Variants in ROBO1 observed in about 807,000 individuals in gnomAD.
ROBO1 encodes roundabout homolog 1.
Under a neutral mutation model 195.9 loss-of-function variants are expected in ROBO1, and 149 were observed. That is an observed-to-expected ratio of 0.76 (90% CI 0.67 to 0.87). The LOEUF is 0.87. Among genes scored for constraint, ROBO1 ranks in the 40% least tolerant of loss-of-function variants. The pLI, the probability that ROBO1 is intolerant of heterozygous loss-of-function variation, is 0.00. For synonymous variants in ROBO1, 816 were observed against 733.2 expected (o/e 1.11, Z -1.82); for missense variants, 1,933 against 2,068.3 (o/e 0.93, Z 1.27).
chr3:79,233,848 C>CT lies in ROBO1; in HGVS notation c.89-108310dup, dbSNP rs2082361141. ...CTTTTCTCTGCAGCCTCAACAGCAA[C>CT]TTGTTTTTTGACTTTTTAATAATAG... is the stretch of plus-strand genomic sequence containing the variant. On this transcript the variant is annotated intron_variant, in intron 2 of 30. Transcript: ENST00000464233. 3.9e-5 allele frequency among the ~76,000 whole-genome samples: 6 copies of CT among 152,194 alleles called. No individual in the cohort carries two copies. In the East Asian group the frequency reaches 7.7e-4, roughly 20 times the overall value.
chr3:78,848,538 T>G (rs1363335450), intron 4 of ROBO1, among the ~76,000 whole-genome samples: 7 of 152,080 alleles, frequency 4.6e-5, no homozygotes, highest in African/African-American at 1.7e-4. Flanking sequence ...TCTTAGCAAC[T>G]CTTGTACAGC....
In ROBO1 at chr3:78,713,780, T is replaced by C. The variant is rs2108046716; in HGVS notation, c.1045+617A>G. ...CATAGAACACGGTATCCACTTGGGCTCATACGATGCTAAATAATAAATCTG... is the reference window on the plus strand; with the variant it reads ...CATAGAACACGGTATCCACTTGGGCCCATACGATGCTAAATAATAAATCTG... On this transcript the variant is annotated intron_variant, in intron 8 of 30. Transcript: ENST00000464233. Among the ~76,000 whole-genome samples, 3 of 152,334 alleles carry C rather than the reference T, an allele frequency of 2.0e-5. No homozygotes were observed. The Middle Eastern group carries it at 0.01, about 518-fold the overall frequency.
chr3:79,759,437 G>A (rs1704576202), intron 1 of ROBO1, among the ~76,000 whole-genome samples: 2 of 152,162 alleles, frequency 1.3e-5, no homozygotes, highest in Admixed American at 6.5e-5. Flanking sequence ...AGTGAGTCAT[G>A]CTTCTTCCTT....
intron 2 of ROBO1, among the ~76,000 whole-genome samples, chr3:79,491,430 A>T (rs1367021334): frequency 6.6e-6 from 1 of 152,098 alleles, no homozygotes; most frequent in East Asian, 1.9e-4. Flanking sequence ...CAACTTGCAG[A>T]TGCTAACAAA....
chr3:79,493,549 G>GT (rs1342032161), intron 2 of ROBO1, among the ~76,000 whole-genome samples: 5 of 151,768 alleles, frequency 3.3e-5, no homozygotes, highest in Middle Eastern at 3.4e-3. Context: ...GTTTTGTTTT[G>GT]TTTTTTGTTT....
At chr3:78,852,875 T>C (rs186243270) in intron 4 of ROBO1, among the ~76,000 whole-genome samples, 5 of 152,262 alleles carry the variant, frequency 3.3e-5, no homozygotes, top group Admixed American at 3.3e-4. Context: ...GGTAGTGATG[T>C]ATTGTGAGCT....
At chr3:79,137,259 T>C (rs1387411553) in intron 2 of ROBO1, among the ~76,000 whole-genome samples, 2 of 152,090 alleles carry the variant, frequency 1.3e-5, no homozygotes, top group African/African-American at 4.8e-5. Context: ...GAAAACGTTG[T>C]CTTCCAATAG....
Position 79,296,772 on chromosome 3 carries a change from G to A in ROBO1, c.89-171233C>T, listed in dbSNP as rs372684691. 3.9e-5 allele frequency among the ~76,000 whole-genome samples: 6 copies of A among 152,278 alleles called. No homozygotes were observed. In the East Asian group the frequency reaches 9.6e-4, roughly 24 times the overall value. On this transcript the variant is annotated intron_variant, in intron 2 of 30. Coordinates refer to ENST00000464233, the MANE Select transcript of ROBO1 (RefSeq NM_002941.4). ...AAATTTTAAAAGAACTCAGAAACCC[G>A]TGATAAGTGCAGAAATTATTGACTT...
At chr3:79,509,222 A>T (rs1034420875) in intron 2 of ROBO1, among the ~76,000 whole-genome samples, 1 of 152,014 alleles carries the variant, frequency 6.6e-6, no homozygotes, top group Non-Finnish European at 1.5e-5. Context: ...ATATTCTGGG[A>T]TTATAGCTGG....
intron 3 of ROBO1, among the ~76,000 whole-genome samples, chr3:78,959,818 G>T (rs1172902626): frequency 1.4e-4 from 22 of 152,316 alleles, no homozygotes; most frequent in African/African-American, 5.3e-4. Context: ...TTAATACACA[G>T]ATAGCACAAC....
At chr3:79,294,314 TC>T (rs1393853437) in intron 2 of ROBO1, among the ~76,000 whole-genome samples, 2 of 152,062 alleles carry the variant, frequency 1.3e-5, no homozygotes, top group African/African-American at 4.8e-5. Context: ...AACCATCTGA[TC>T]TTTGACAAAC....
intron 1 of ROBO1, among the ~76,000 whole-genome samples, chr3:79,598,459 A>G (rs920878858): frequency 1.3e-5 from 2 of 152,102 alleles, no homozygotes; most frequent in Non-Finnish European, 1.5e-5. Context: ...GTTTAAAGAT[A>G]TTGTTTTAAA....
intron 2 of ROBO1, among the ~76,000 whole-genome samples, chr3:79,457,396 CGT>C (rs139242982): frequency 1.0e-4 from 15 of 148,814 alleles, no homozygotes; most frequent in East Asian, 2.0e-4. Context: ...TGTGTGTGTG[CGT>C]GTGTGTGTGT....
intron 3 of ROBO1, among the ~76,000 whole-genome samples, chr3:78,977,607 T>C (rs2076909386): frequency 6.6e-6 from 1 of 150,526 alleles, no homozygotes; most frequent in Admixed American, 6.6e-5. Flanking sequence ...ATATAATATA[T>C]ATTTTAAAAA....
chr3:79,577,942 A>C (rs1015398283), intron 2 of ROBO1, among the ~76,000 whole-genome samples: 1 of 151,830 alleles, frequency 6.6e-6, no homozygotes, highest in Non-Finnish European at 1.5e-5. Flanking sequence ...AAAAAAACCC[A>C]AAAAACAAAA....
At chr3:78,960,614 A>T (rs978874283) in intron 3 of ROBO1, among the ~76,000 whole-genome samples, 3 of 151,892 alleles carry the variant, frequency 2.0e-5, no homozygotes, top group Non-Finnish European at 4.4e-5. Context: ...TCCCATCGCT[A>T]CTAAAAATAC....
chr3:79,713,827 C>T (rs1243959069), intron 1 of ROBO1, among the ~76,000 whole-genome samples: 1 of 152,056 alleles, frequency 6.6e-6, no homozygotes, highest in Non-Finnish European at 1.5e-5. Flanking sequence ...GCCAGTTTTC[C>T]CAGCACCATT....
intron 2 of ROBO1, among the ~76,000 whole-genome samples, chr3:79,269,546 T>G (rs1446094325): frequency 3.4e-4 from 51 of 151,744 alleles, no homozygotes. Flanking sequence ...TAGTCAATAA[T>G]GTAATGATAC....
chr3:78,677,300 C>A (rs1174849617), intron 10 of ROBO1, among the ~76,000 whole-genome samples: 10 of 152,142 alleles, frequency 6.6e-5, no homozygotes, highest in African/African-American at 2.4e-4. Context: ...ATCATAATGA[C>A]AAGATCAAAT....
Sources: allele counts gnomAD v4.1 joint callset (sites outside exome capture counted in the v4.1 genomes callset), GRCh38; gene constraint gnomAD v4.1.1; transcripts MANE v1.5; gene names NCBI Gene and HGNC (gene_info 2026-07-23, HGNC 2026-07-21).